GRIA3: variants seen among roughly 807,000 people sequenced by gnomAD.
GRIA3 encodes the protein glutamate ionotropic receptor AMPA type subunit 3, also known as glutamate receptor 3.
A neutral mutation model predicts 63.0 loss-of-function variants in GRIA3; 3 were observed. The observed-to-expected ratio is 0.05, with a 90% CI of 0.02 to 0.12. GRIA3 has a LOEUF of 0.12. Among genes scored for constraint, GRIA3 ranks in the 10% least tolerant of loss-of-function variants. The pLI, the probability that GRIA3 is intolerant of heterozygous loss-of-function variation, is 1.00. For missense variants in GRIA3, 347 were observed against 700.9 expected, an observed-to-expected ratio of 0.50 and a Z score of 5.70; for synonymous variants, 274 against 257.9, an observed-to-expected ratio of 1.06 and a Z score of -0.60.
At chrX:123,218,681 G>T (rs1256922914) in intron 2 of GRIA3, among the ~76,000 whole-genome samples, 1 of 111,413 alleles carries the variant, frequency 9.0e-6, no homozygotes, top group African/African-American at 3.3e-5. Flanking sequence ...TGTGCAAGTG[G>T]ACTTAGCAGG....
intron 2 of GRIA3, among the ~76,000 whole-genome samples, chrX:123,204,110 G>A (rs1274981186): frequency 8.9e-6 from 1 of 112,061 alleles, no homozygotes; most frequent in East Asian, 2.8e-4. Flanking sequence ...TGGAGTCTCA[G>A]GGCCCCCATG....
At chrX:123,248,316 G>A (rs997886699) in intron 2 of GRIA3, among the ~76,000 whole-genome samples, 1 of 112,416 alleles carries the variant, frequency 8.9e-6, no homozygotes, top group Non-Finnish European at 1.9e-5. Context: ...GGCTCAGAAA[G>A]GTCAAATAAC....
intron 3 of GRIA3, among the ~76,000 whole-genome samples, chrX:123,292,448 G>A (rs371869741): frequency 9.1e-6 from 1 of 110,229 alleles, no homozygotes; most frequent in South Asian, 3.9e-4. Flanking sequence ...CTGACTAGTC[G>A]GTACAAAGGA....
intron 4 of GRIA3, among the ~76,000 whole-genome samples, chrX:123,327,074 G>A (rs1040533085): frequency 2.7e-5 from 3 of 110,771 alleles, no homozygotes; most frequent in Non-Finnish European, 3.8e-5. Flanking sequence ...ACTGAGGCAC[G>A]AGAATCGCTT....
At chrX:123,312,046 C>T (rs888183406) in intron 3 of GRIA3, among the ~76,000 whole-genome samples, 6 of 111,933 alleles carry the variant, frequency 5.4e-5, no homozygotes, top group African/African-American at 9.7e-5. Context: ...AAGAATTAAA[C>T]GTGATAATGT....
Position 123,363,384 on chromosome X carries a change from T to C in GRIA3, c.750+8421T>C, listed in dbSNP as rs1345786278. 3.6e-5 allele frequency among the ~76,000 whole-genome samples: 4 copies of C among 112,674 alleles called. No homozygotes were observed. In the East Asian group the frequency reaches 1.1e-3, roughly 31 times the overall value. ...CTCCACATCATACCTTGAAAATAAA[T>C]GCACTTAATGTAAGCCTTGGATATA... On this transcript the variant is annotated intron_variant, in intron 5 of 15. Coordinates refer to ENST00000620443, the MANE Select transcript of GRIA3 (RefSeq NM_007325.5).
At chrX:123,282,624 G>A (rs963355191) in intron 3 of GRIA3, among the ~76,000 whole-genome samples, 2 of 112,777 alleles carry the variant, frequency 1.8e-5, no homozygotes, top group Non-Finnish European at 3.7e-5. Context: ...GAAAATTACA[G>A]GCTGGGAGCA....
At chrX:123,463,789 A>G (rs946615226) in intron 12 of GRIA3, among the ~76,000 whole-genome samples, 5 of 108,847 alleles carry the variant, frequency 4.6e-5, no homozygotes. Flanking sequence ...AAAAAGAAAG[A>G]GAAAGAAAGA....
chrX:123,448,211 A>G (rs1460289574), intron 12 of GRIA3, among the ~76,000 whole-genome samples: 4 of 112,505 alleles, frequency 3.6e-5, no homozygotes, highest in Non-Finnish European at 7.5e-5. Context: ...CAATTAGGAT[A>G]AATGTAAAGG....
chrX:123,464,131 T>C (rs913540424), intron 12 of GRIA3, among the ~76,000 whole-genome samples: 1 of 110,829 alleles, frequency 9.0e-6, no homozygotes, highest in Admixed American at 9.6e-5. Context: ...AAAAGAACCG[T>C]TGTAAAAAGG....
At chrX:123,252,533 G>C (rs1470961629) in intron 2 of GRIA3, among the ~76,000 whole-genome samples, 2 of 112,107 alleles carry the variant, frequency 1.8e-5, no homozygotes, top group Non-Finnish European at 3.8e-5. Flanking sequence ...TGGGCCAGAA[G>C]AGAGAAGAGG....
In GRIA3 at chrX:123,383,009, A is replaced by T. The variant is rs59111078; in HGVS notation, c.751-11959A>T. Among the ~76,000 whole-genome samples, 351 of 111,809 alleles carry T rather than the reference A, an allele frequency of 3.1e-3. 2 individuals are homozygous for T. The highest frequency in any genetic ancestry group is 0.011 in the African/African-American group (329 of 30,767). On this transcript the variant is annotated intron_variant, in intron 5 of 15. Coordinates refer to ENST00000620443, the MANE Select transcript of GRIA3 (RefSeq NM_007325.5). ...TACTTTTCCAGCCCAGGCTTTTAAG[A>T]TACAGGCCAAGCACAAGAGATCCCA... is the stretch of plus-strand genomic sequence containing the variant.
intron 2 of GRIA3, among the ~76,000 whole-genome samples, chrX:123,225,327 C>A (rs1391021256): frequency 8.9e-6 from 1 of 112,215 alleles, no homozygotes; most frequent in African/African-American, 3.2e-5. Flanking sequence ...GGCATATGGT[C>A]TTGCACGGAG....
chrX:123,469,269 T>G (rs2045850450), intron 13 of GRIA3, among the ~76,000 whole-genome samples: 1 of 112,033 alleles, frequency 8.9e-6, no homozygotes, highest in Admixed American at 9.5e-5. Flanking sequence ...TCATTGACTT[T>G]TTCTTCCCTG....
At chrX:123,480,908 C>T (rs2045909699) in intron 14 of GRIA3, among the ~76,000 whole-genome samples, 2 of 111,554 alleles carry the variant, frequency 1.8e-5, no homozygotes, top group Admixed American at 9.5e-5. Context: ...TGCCCCCCTT[C>T]GCTCCCCTAA....
intron 5 of GRIA3, among the ~76,000 whole-genome samples, chrX:123,365,047 G>T (rs1157958450): frequency 9.0e-6 from 1 of 111,731 alleles, no homozygotes; most frequent in Non-Finnish European, 1.9e-5. Flanking sequence ...GAGAGCTATT[G>T]CACAGCAGGG....
intron 5 of GRIA3, among the ~76,000 whole-genome samples, chrX:123,384,406 C>A (rs1193342814): frequency 8.9e-6 from 1 of 112,134 alleles, no homozygotes; most frequent in Admixed American, 9.4e-5. Context: ...GGGTGGATCA[C>A]CTGAGGTCGG....
intron 3 of GRIA3, among the ~76,000 whole-genome samples, chrX:123,270,188 C>T (rs908509338): frequency 8.9e-6 from 1 of 111,915 alleles, no homozygotes; most frequent in Non-Finnish European, 1.9e-5. Flanking sequence ...GTATCTAGTT[C>T]CAATTTCCTT....
At chrX:123,370,511 C>G (rs987699348) in intron 5 of GRIA3, among the ~76,000 whole-genome samples, 1 of 111,495 alleles carries the variant, frequency 9.0e-6, no homozygotes, top group East Asian at 2.8e-4. Context: ...TTCCTTCACT[C>G]TGCCAACGAC....
Sources: allele counts gnomAD v4.1 joint callset (sites outside exome capture counted in the v4.1 genomes callset), GRCh38; gene constraint gnomAD v4.1.1; transcripts MANE v1.5; gene names NCBI Gene and HGNC (gene_info 2026-07-23, HGNC 2026-07-21).